MTHFD1L: variants seen among roughly 807,000 people sequenced by gnomAD.
MTHFD1L encodes monofunctional C1-tetrahydrofolate synthase, mitochondrial.
A neutral mutation model predicts 119.5 loss-of-function variants in MTHFD1L; 81 were observed. The ratio of observed to expected loss-of-function variants is 0.68; its 90% CI spans 0.57 to 0.82. MTHFD1L has a LOEUF of 0.82. Among genes scored for constraint, MTHFD1L ranks in the 40% least tolerant of loss-of-function variants. The probability of loss-of-function intolerance (pLI) is 0.00; values close to 1 mark genes in which losing one functional copy is unlikely to be tolerated. For synonymous variants in MTHFD1L, 430 were observed against 475.2 expected (o/e 0.90, Z 1.24); for missense variants, 1,125 against 1,253.4 (o/e 0.90, Z 1.55).
chr6:150,921,858 A>C (rs1170571321), intron 9 of MTHFD1L, among the ~76,000 whole-genome samples: 1 of 152,234 alleles, frequency 6.6e-6, no homozygotes, highest in East Asian at 1.9e-4. Context: ...CATTGCTGTA[A>C]GTATGAAGAG....
intron 6 of MTHFD1L, among the ~76,000 whole-genome samples, chr6:150,886,435 CAAAAAAAAA>C (rs996165446): frequency 2.9e-5 from 2 of 69,638 alleles, no homozygotes; most frequent in South Asian, 5.8e-4. Context: ...GACCCTGCCT[CAAAAAAAAA>C]AAAAAAAAAA....
At chr6:151,019,839 T>A (rs1359036640) in intron 24 of MTHFD1L, among the ~76,000 whole-genome samples, 2 of 152,204 alleles carry the variant, frequency 1.3e-5, no homozygotes, top group Non-Finnish European at 2.9e-5. Context: ...ATTGGTGCAG[T>A]CAGTAATAGA....
intron 26 of MTHFD1L, among the ~76,000 whole-genome samples, chr6:151,058,689 G>A (rs1380752264): frequency 6.6e-6 from 1 of 152,198 alleles, no homozygotes; most frequent in East Asian, 1.9e-4. Context: ...TGCCTGAGTG[G>A]CTTGGCCTGG....
rs373291011 is a variant in MTHFD1L, at chr6:151,099,453, C to CTT, written c.*32-2061_*32-2060dup. ...GCTGGCCGTGTCTCTGAAATATTTT[C>CTT]TTTTTTTTTTTTTGCCCTTCTCTCT... On this transcript the variant is annotated intron_variant, in intron 27 of 27. Coordinates refer to ENST00000367321, the MANE Select transcript of MTHFD1L (RefSeq NM_015440.5). The CTT allele has an allele frequency of 1.2e-3, 1,085 of 868,464 alleles. 3 individuals are homozygous for CTT. Among genetic ancestry groups the CTT allele is most frequent in the African/African-American group, 6.3e-3 (361 of 57,596 alleles). 53.8% of individuals were successfully genotyped at this position (868,464 alleles called of 1,614,324 possible).
chr6:150,892,822 G>GA (rs1562329351), intron 7 of MTHFD1L, among the ~76,000 whole-genome samples: 1 of 152,224 alleles, frequency 6.6e-6, no homozygotes, highest in African/African-American at 2.4e-5. Context: ...GTATGGGGCA[G>GA]AAAACCCTTG....
At chr6:150,921,122 T>C (rs964273421) in intron 9 of MTHFD1L, among the ~76,000 whole-genome samples, 2 of 150,958 alleles carry the variant, frequency 1.3e-5, no homozygotes, top group South Asian at 2.1e-4. Context: ...GCCCGGCTAA[T>C]TTTTTGTATT....
intron 7 of MTHFD1L, among the ~76,000 whole-genome samples, chr6:150,893,228 C>T (rs996226818): frequency 1.3e-5 from 2 of 151,992 alleles, no homozygotes; most frequent in South Asian, 2.1e-4. Flanking sequence ...CCATGCCTGG[C>T]TAATTTTTAT....
At chr6:151,082,210 T>C (rs1304449662) in intron 26 of MTHFD1L, among the ~76,000 whole-genome samples, 1 of 152,200 alleles carries the variant, frequency 6.6e-6, no homozygotes, top group Non-Finnish European at 1.5e-5. Context: ...TAGGTGGGAA[T>C]ATGACACATG....
Position 151,055,604 on chromosome 6 carries a change from C to T in MTHFD1L, c.2847+18487C>T, listed in dbSNP as rs9478933. ...GTGCAGTGGCGCGATCTCGGCTCAC[C>T]GCAACCTCCGCCTCCCAGGTTCAAG... On this transcript the variant is annotated intron_variant, in intron 26 of 27. Transcript: ENST00000367321. Among the ~76,000 whole-genome samples the T allele has an allele frequency of 9.2e-3, 1,397 of 151,806 alleles. 25 individuals are homozygous for T. Among genetic ancestry groups the T allele is most frequent in the African/African-American group, 0.032 (1,307 of 41,384 alleles).
At chr6:151,041,741 C>A in intron 26 of MTHFD1L, 1 of 490,952 alleles carries the variant, frequency 2.0e-6, no homozygotes. Flanking sequence ...GGCTTTATAA[C>A]AAAGGCAGAA....
At chr6:151,085,999 C>T (rs115526027) in intron 26 of MTHFD1L, among the ~76,000 whole-genome samples, 3,096 of 152,090 alleles carry the variant, frequency 0.02, 85 homozygotes, top group South Asian at 0.11. Flanking sequence ...GTTGCTGAGT[C>T]GAATGAACTT....
chr6:150,932,507 C>T (rs959647454), intron 11 of MTHFD1L, among the ~76,000 whole-genome samples: 3 of 152,108 alleles, frequency 2.0e-5, no homozygotes, highest in Admixed American at 6.5e-5. Context: ...CGTGGTGGCT[C>T]ACGCCTGTAA....
At chr6:150,937,025 G>A (rs1207589799) in intron 12 of MTHFD1L, 85 bp downstream of exon 12, 5 of 1,505,926 alleles carry the variant, frequency 3.3e-6, no homozygotes, top group Non-Finnish European at 3.6e-6. Context: ...CAGATAAAGA[G>A]TTAAGACTTT....
At chr6:150,990,277 CAA>C (rs201758591) in intron 20 of MTHFD1L, among the ~76,000 whole-genome samples, 5 of 125,890 alleles carry the variant, frequency 4.0e-5, no homozygotes, top group African/African-American at 5.9e-5. Context: ...GATTCTGTCT[CAA>C]AAAAAAAAAA....
Position 150,915,858 on chromosome 6 carries a change from C to A in MTHFD1L, c.893-2719C>A, listed in dbSNP as rs574966198. Among the ~76,000 whole-genome samples the A allele has an allele frequency of 5.3e-5, 8 of 152,310 alleles. No individual in the cohort carries two copies. In the South Asian group the frequency reaches 8.3e-4, roughly 16 times the overall value. On this transcript the variant is annotated intron_variant, in intron 8 of 27. Transcript: ENST00000367321. ...ACCTCAAGTGATCCACCCACCTCGGCCTCCCAAAGTGCTGGGATTACAGGC... is the reference window on the plus strand; with the variant it reads ...ACCTCAAGTGATCCACCCACCTCGGACTCCCAAAGTGCTGGGATTACAGGC...
intron 26 of MTHFD1L, among the ~76,000 whole-genome samples, chr6:151,089,704 TG>T (rs1249605185): frequency 1.4e-4 from 22 of 152,324 alleles, no homozygotes; most frequent in Admixed American, 7.8e-4. Flanking sequence ...CCTAGGCAAC[TG>T]GAAAAAAATA....
Position 151,013,753 on chromosome 6 carries a change from C to A in MTHFD1L, c.2266-26C>A. ...GTGTAAGCATTTTTATAGGATTATT[C>A]TTCATGTTTTCTCTCCTTATTTCAG... On this transcript the variant is annotated intron_variant, in intron 21 of 27. Transcript: ENST00000367321. 3 of 1,597,958 alleles carry A rather than the reference C, an allele frequency of 1.9e-6. No individual in the cohort carries two copies. In the South Asian group the frequency reaches 3.3e-5, roughly 18 times the overall value.
chr6:150,988,606 GT>G (rs141271497), intron 20 of MTHFD1L, among the ~76,000 whole-genome samples: 74,826 of 147,994 alleles, frequency 0.51, 19,901 homozygotes, highest in African/African-American at 0.67. Context: ...TTCTTTTTTT[GT>G]GGGGGGGGCG....
intron 15 of MTHFD1L, 87 bp downstream of exon 15, chr6:150,945,628 G>GT (rs1793805892): frequency 1.5e-6 from 2 of 1,353,160 alleles, no homozygotes; most frequent in East Asian, 4.6e-5. Context: ...TTTCAACTTG[G>GT]TTTGATTTTG....
Sources: allele counts gnomAD v4.1 joint callset (sites outside exome capture counted in the v4.1 genomes callset), GRCh38; gene constraint gnomAD v4.1.1; transcripts MANE v1.5; gene names NCBI Gene and HGNC (gene_info 2026-07-23, HGNC 2026-07-21).